CFHR2: variants seen among roughly 807,000 people sequenced by gnomAD.
The protein encoded by CFHR2 is complement factor H-related protein 2.
A neutral mutation model predicts 21.7 loss-of-function variants in CFHR2; 22 were observed. That is an observed-to-expected ratio of 1.01 (90% CI 0.72 to 1.45). The LOEUF (loss-of-function observed/expected upper bound fraction) is 1.45, where lower values mean the gene tolerates loss of function less well. CFHR2 is among the 40% of genes most tolerant of loss of function. CFHR2 has a pLI of 0.00. For synonymous variants in CFHR2, 98 were observed against 97.4 expected (o/e 1.01, Z -0.04); for missense variants, 294 against 293.3 (o/e 1.00, Z -0.02).
rs766879673 is a variant in CFHR2, at chr1:196,957,896, G to C, written c.436G>C (p.Ala146Pro). 6.2e-7 allele frequency: 1 copy of C among 1,606,328 alleles called. No individual in the cohort carries two copies. Among genetic ancestry groups the C allele is most frequent in the Non-Finnish European group, 8.5e-7 (1 of 1,176,838 alleles). The stretch of plus-strand genomic sequence containing the variant: ...ATCAAATGATGTTTTTTTAGTTTCT[G>C]CAGAAAAATGTGGGCCCCCTCCACC... ...TPPKCRSTIS[A>P]EKCGPPPPID... Residue 146 changes from alanine (A) to proline (P), a missense_variant, in exon 4 of 5, where the codon GCA becomes CCA. Coordinates refer to ENST00000367415, the MANE Select transcript of CFHR2 (RefSeq NM_005666.4).
chr1:196,957,708 G>C (rs1000949707), intron 3 of CFHR2, among the ~76,000 whole-genome samples, 183 bp from the exon 4 acceptor site: 1 of 152,118 alleles, frequency 6.6e-6, no homozygotes, highest in Non-Finnish European at 1.5e-5. Context: ...TGTTCATTCA[G>C]TGAGGAGAAA....
intron 3 of CFHR2, among the ~76,000 whole-genome samples, chr1:196,956,964 G>C (rs1045812721): frequency 6.6e-6 from 1 of 152,194 alleles, no homozygotes; most frequent in Non-Finnish European, 1.5e-5. Context: ...AAAGGGAGCG[G>C]TGTCTTGTTA....
In CFHR2 at chr1:196,958,415, TGAGA is replaced by T. The variant is rs894664239; in HGVS notation, c.613+361_613+364del. Among the ~76,000 whole-genome samples the T allele has an allele frequency of 9.9e-4, 144 of 145,162 alleles. 1 individual carries two copies. The highest frequency in any genetic ancestry group is 2.0e-3 in the East Asian group (10 of 4,996). ...GTAAGTGTGTGTGTGTGTGTGTGTG[TGAGA>T]GAGAGAGAGAGAGAGAGATGAGGAC... On this transcript the variant is annotated intron_variant, in intron 4 of 4. Transcript: ENST00000367415.
At chr1:196,944,397 C>T (rs1157965844) in intron 1 of CFHR2, among the ~76,000 whole-genome samples, 7 of 151,988 alleles carry the variant, frequency 4.6e-5, no homozygotes, top group Non-Finnish European at 7.4e-5. Context: ...TCGAATTATC[C>T]TTCAACAGAG....
rs575110375 is a variant in CFHR2 at position 196,952,995 on chromosome 1, C to T, written c.430+1967C>T. Among the ~76,000 whole-genome samples, 214 of 152,310 alleles carry T rather than the reference C, an allele frequency of 1.4e-3. 1 individual carries two copies. The highest frequency in any genetic ancestry group is 5.0e-3 in the African/African-American group (206 of 41,570). On this transcript the variant is annotated intron_variant, in intron 3 of 4. Coordinates refer to ENST00000367415, the MANE Select transcript of CFHR2 (RefSeq NM_005666.4). ...TCCAAAGTGGAAGAATTTAGCGGAA[C>T]ACTCTATGTCCAAGGTTGAATGGTA...
intron 3 of CFHR2, among the ~76,000 whole-genome samples, chr1:196,953,439 C>A (rs1262742133): frequency 6.6e-6 from 1 of 152,068 alleles, no homozygotes; most frequent in African/African-American, 2.4e-5. Flanking sequence ...TGTGTCACCA[C>A]ACCCAGCTAA....
At chr1:196,947,672 C>T (rs780969932) in intron 1 of CFHR2, among the ~76,000 whole-genome samples, 1 of 152,102 alleles carries the variant, frequency 6.6e-6, no homozygotes, top group African/African-American at 2.4e-5. Flanking sequence ...CACACATCTT[C>T]CAAATAAGGT....
chr1:196,946,866 C>CAG (rs1659515358), intron 1 of CFHR2, among the ~76,000 whole-genome samples: 1 of 152,132 alleles, frequency 6.6e-6, no homozygotes, highest in Non-Finnish European at 1.5e-5. Context: ...AGTAACACTT[C>CAG]TATATTGTCA....
At chr1:196,958,440 A>C (rs1411893059) in intron 4 of CFHR2, among the ~76,000 whole-genome samples, 1 of 151,424 alleles carries the variant, frequency 6.6e-6, no homozygotes, top group Non-Finnish European at 1.5e-5. Flanking sequence ...GAGAGAGATG[A>C]GGACTCTTAA....
chr1:196,945,127 C>T (rs1043482886), intron 1 of CFHR2, among the ~76,000 whole-genome samples: 1 of 144,658 alleles, frequency 6.9e-6, no homozygotes, highest in Non-Finnish European at 1.5e-5. Context: ...CTGCCTGCCT[C>T]GGCCTCCCAC....
rs532710205 is a variant in CFHR2, at chr1:196,947,139, G to T, written c.59-2316G>T. Among the ~76,000 whole-genome samples, 15 of 152,106 alleles carry T rather than the reference G, an allele frequency of 9.9e-5. No individual in the cohort carries two copies. The South Asian group carries it at 3.1e-3, about 32-fold the overall frequency. ...CAACTGTATATATGTATGTGTGTGT[G>T]TGTGTGTGTGTGTGTATCCCAGAAG... On this transcript the variant is annotated intron_variant, in intron 1 of 4. Transcript: ENST00000367415.
chr1:196,949,605 T>A lies in CFHR2; in HGVS notation c.209T>A (p.Ile70Lys), dbSNP rs759682404. 4.0e-5 allele frequency: 64 copies of A among 1,613,890 alleles called. No homozygotes were observed. The highest frequency in any genetic ancestry group is 6.7e-5 in the Admixed American group (4 of 59,956). Residue 70 changes from isoleucine (I) to lysine (K), a missense_variant, in exon 2 of 5, where the codon ATA (isoleucine) becomes AAA (lysine). Physicochemically the swap from Ile to Lys is moderately radical, Grantham distance 102 (BLOSUM62 -3). Transcript: ENST00000367415. ...VSPSKSFWTRITCAEEGWSPT... is the reference protein window; with the variant it reads ...VSPSKSFWTRKTCAEEGWSPT... ...CCTTCAAAATCCTTTTGGACTCGCATAACGTGCGCAGAAGAAGGATGGTCA... is the reference window on the plus strand; with the variant it reads ...CCTTCAAAATCCTTTTGGACTCGCAAAACGTGCGCAGAAGAAGGATGGTCA...
chr1:196,959,027 C>T lies in CFHR2; in HGVS notation c.760C>T (p.Arg254Ter), dbSNP rs41313888. The T allele has an allele frequency of 5.8e-4, 935 of 1,612,316 alleles. No individual in the cohort carries two copies. In the Middle Eastern group the frequency reaches 7.4e-3, roughly 13 times the overall value. ...TCATCCAACAAAATCTCATTCATTT[C>T]GAGCAATGTGTCAGAATGGGAAACT... ...GYHPTKSHSFRAMCQNGKLVY... is the reference protein window; with the variant it reads ...GYHPTKSHSF Residue 254 changes from arginine to a stop codon, truncating the protein, a stop_gained, in exon 5 of 5, where the codon CGA becomes TGA. Coordinates refer to ENST00000367415, the MANE Select transcript of CFHR2 (RefSeq NM_005666.4). LOFTEE classifies it low-confidence loss of function (END_TRUNC).
chr1:196,946,884 G>A (rs1473078490), intron 1 of CFHR2, among the ~76,000 whole-genome samples: 3 of 152,140 alleles, frequency 2.0e-5, no homozygotes, highest in Non-Finnish European at 4.4e-5. Context: ...TCATCATCAA[G>A]TATTATGTAC....
rs549968666 is a variant in CFHR2 at position 196,955,851 on chromosome 1, A to T, written c.431-2040A>T. ...GACAGAGCGAGACTCTGTCTCAAAAAAATAATAATAATAAATAAATAAAAT... is the reference window on the plus strand; with the variant it reads ...GACAGAGCGAGACTCTGTCTCAAAATAATAATAATAATAAATAAATAAAAT... On this transcript the variant is annotated intron_variant, in intron 3 of 4. Coordinates refer to ENST00000367415, the MANE Select transcript of CFHR2 (RefSeq NM_005666.4). Among the ~76,000 whole-genome samples the T allele has an allele frequency of 4.7e-4, 71 of 152,212 alleles. 1 individual carries two copies. The highest frequency in any genetic ancestry group is 8.3e-4 in the South Asian group (4 of 4,822).
chr1:196,949,832 A>G (rs1212454036), intron 2 of CFHR2, among the ~76,000 whole-genome samples, 183 bp downstream of exon 2: 3 of 152,214 alleles, frequency 2.0e-5, no homozygotes, highest in Non-Finnish European at 4.4e-5. Context: ...AAATATGTCA[A>G]CTGTCTTGCA....
chr1:196,948,632 T>C (rs534446650), intron 1 of CFHR2, among the ~76,000 whole-genome samples: 3 of 152,308 alleles, frequency 2.0e-5, no homozygotes, highest in East Asian at 3.9e-4. Flanking sequence ...ACAATGTAAA[T>C]GCTATACAAA....
intron 3 of CFHR2, 39 bp downstream of exon 3, chr1:196,951,067 T>C (rs1381533734): frequency 1.9e-6 from 3 of 1,607,420 alleles, no homozygotes; most frequent in South Asian, 1.1e-5. Context: ...TGTTATATTA[T>C]AAAGTGTAAA....
At chr1:196,953,243 A>ATTATTTATTTAT (rs138646935) in intron 3 of CFHR2, among the ~76,000 whole-genome samples, 15 of 150,236 alleles carry the variant, frequency 1.0e-4, no homozygotes, top group South Asian at 4.2e-4. Flanking sequence ...ATCAGCCAAG[A>ATTATTTATTTAT]TTATTTATTT....
Sources: allele counts gnomAD v4.1 joint callset (sites outside exome capture counted in the v4.1 genomes callset), GRCh38; gene constraint gnomAD v4.1.1; transcripts MANE v1.5; gene names NCBI Gene and HGNC (gene_info 2026-07-23, HGNC 2026-07-21).